PLPPR5: variants seen among roughly 807,000 people sequenced by gnomAD.
PLPPR5 encodes phospholipid phosphatase related 5, also known as phospholipid phosphatase-related protein type 5.
A neutral mutation model predicts 33.9 loss-of-function variants in PLPPR5; 16 were observed. The observed-to-expected ratio is 0.47, with a 90% CI of 0.32 to 0.72. The LOEUF (loss-of-function observed/expected upper bound fraction) is 0.72, where lower values mean the gene tolerates loss of function less well. PLPPR5 is among the 30% of genes least tolerant of loss of function. The pLI, the probability that PLPPR5 is intolerant of heterozygous loss-of-function variation, is 0.03. For synonymous variants in PLPPR5, 163 were observed against 150.3 expected (o/e 1.08, Z -0.62); for missense variants, 301 against 406.7 (o/e 0.74, Z 2.23).
intron 3 of PLPPR5, among the ~76,000 whole-genome samples, chr1:98,926,874 A>C (rs1350690990): frequency 6.6e-6 from 1 of 152,210 alleles, no homozygotes; most frequent in Non-Finnish European, 1.5e-5. Context: ...TCGTTTGTTA[A>C]GCCAACCGTG....
chr1:99,002,414 G>A (rs1027322605), intron 1 of PLPPR5, among the ~76,000 whole-genome samples: 1 of 152,070 alleles, frequency 6.6e-6, no homozygotes, highest in African/African-American at 2.4e-5. Context: ...AATGTAAGTC[G>A]CATGGCATTC....
chr1:98,920,757 A>G (rs745397355), intron 4 of PLPPR5, among the ~76,000 whole-genome samples: 8 of 152,184 alleles, frequency 5.3e-5, no homozygotes, highest in Non-Finnish European at 7.3e-5. Context: ...ATTATTAACT[A>G]GTAAAATGAG....
intron 1 of PLPPR5, among the ~76,000 whole-genome samples, chr1:98,996,591 T>C (rs1477895353): frequency 6.6e-6 from 1 of 152,118 alleles, no homozygotes; most frequent in African/African-American, 2.4e-5. Context: ...TGATACTCCT[T>C]AGGATTTTCC....
chr1:98,975,455 T>C (rs555889295), intron 1 of PLPPR5, among the ~76,000 whole-genome samples: 2 of 152,226 alleles, frequency 1.3e-5, no homozygotes, highest in African/African-American at 2.4e-5. Flanking sequence ...GATCCATGCA[T>C]ACAGATGAAG....
At chr1:98,916,212 C>T (rs1264121165) in intron 4 of PLPPR5, among the ~76,000 whole-genome samples, 4 of 152,118 alleles carry the variant, frequency 2.6e-5, no homozygotes, top group Non-Finnish European at 5.9e-5. Context: ...TGAGATTTTA[C>T]GTCAGAAAAA....
At chr1:98,951,094 G>A (rs572679846) in intron 3 of PLPPR5, among the ~76,000 whole-genome samples, 1 of 152,110 alleles carries the variant, frequency 6.6e-6, no homozygotes, top group Admixed American at 6.5e-5. Flanking sequence ...CATTGGCTAG[G>A]TCACGTATTT....
At chr1:98,903,711 C>A (rs867949990) in intron 5 of PLPPR5, among the ~76,000 whole-genome samples, 1 of 151,856 alleles carries the variant, frequency 6.6e-6, no homozygotes, top group Admixed American at 6.6e-5. Context: ...TACTATGTGC[C>A]GAGAAGTTTA....
At chr1:98,976,092 TAAAA>T (rs34637022) in intron 1 of PLPPR5, among the ~76,000 whole-genome samples, 1 of 74,702 alleles carries the variant, frequency 1.3e-5, no homozygotes, top group Non-Finnish European at 2.7e-5. Context: ...TACTAAAAAG[TAAAA>T]AAAAAAAAAA....
At chr1:98,901,146 A>G (rs1361437150) in intron 5 of PLPPR5, among the ~76,000 whole-genome samples, 1 of 152,152 alleles carries the variant, frequency 6.6e-6, no homozygotes, top group Non-Finnish European at 1.5e-5. Context: ...CTACTCAGCA[A>G]TTAAATGGGA....
chr1:98,997,514 A>G (rs540282449), intron 1 of PLPPR5, among the ~76,000 whole-genome samples: 1 of 152,332 alleles, frequency 6.6e-6, no homozygotes, highest in Admixed American at 6.5e-5. Context: ...AATGAACGAG[A>G]TGATTCTTTC....
At chr1:98,925,886 T>G (rs1471346174) in intron 3 of PLPPR5, among the ~76,000 whole-genome samples, 1 of 152,168 alleles carries the variant, frequency 6.6e-6, no homozygotes, top group Non-Finnish European at 1.5e-5. Flanking sequence ...AGCACCTTGT[T>G]CCTCATCTGA....
chr1:99,003,053 T>TTACATA (rs1557700098), intron 1 of PLPPR5, among the ~76,000 whole-genome samples: 2 of 72,470 alleles, frequency 2.8e-5, no homozygotes, highest in Non-Finnish European at 5.3e-5. Context: ...GCAACTTATT[T>TTACATA]TACATATATA....
At chr1:98,927,930 T>C (rs1244313410) in intron 3 of PLPPR5, among the ~76,000 whole-genome samples, 4 of 151,778 alleles carry the variant, frequency 2.6e-5, no homozygotes, top group Non-Finnish European at 5.9e-5. Context: ...TATATATAAT[T>C]ATAATTATAT....
intron 1 of PLPPR5, among the ~76,000 whole-genome samples, chr1:99,001,671 G>GAGATATATATATATATAT (rs1553173331): frequency 2.0e-5 from 2 of 102,194 alleles, no homozygotes; most frequent in African/African-American, 7.8e-5. Flanking sequence ...GAAAGTTAAA[G>GAGATATATATATATATAT]ATATATATAT....
chr1:98,911,754 T>C (rs1392728805), intron 5 of PLPPR5, among the ~76,000 whole-genome samples: 9 of 143,456 alleles, frequency 6.3e-5, no homozygotes, highest in Admixed American at 7.0e-5. Flanking sequence ...TTCACAACCC[T>C]TTTTTTTTTT....
intron 1 of PLPPR5, among the ~76,000 whole-genome samples, chr1:99,003,822 C>T (rs1652958662): frequency 6.6e-6 from 1 of 152,228 alleles, no homozygotes. Context: ...ACAGCTCCTG[C>T]TTTTCAGCAA....
chr1:98,917,093 C>A (rs1649383469), intron 4 of PLPPR5, among the ~76,000 whole-genome samples: 1 of 152,114 alleles, frequency 6.6e-6, no homozygotes, highest in Non-Finnish European at 1.5e-5. Context: ...AGCACCCACT[C>A]CAAACTTGAT....
intron 1 of PLPPR5, among the ~76,000 whole-genome samples, chr1:98,979,464 T>C (rs1651980926): frequency 6.6e-6 from 1 of 152,132 alleles, no homozygotes; most frequent in Non-Finnish European, 1.5e-5. Context: ...GGCTATGTTG[T>C]TGCTATTATA....
chr1:98,905,137 C>T (rs1260917852), intron 5 of PLPPR5, among the ~76,000 whole-genome samples: 1 of 152,142 alleles, frequency 6.6e-6, no homozygotes, highest in African/African-American at 2.4e-5. Context: ...AATTAAACTA[C>T]TCACTTTCTT....
Sources: allele counts gnomAD v4.1 joint callset (sites outside exome capture counted in the v4.1 genomes callset), GRCh38; gene constraint gnomAD v4.1.1; transcripts MANE v1.5; gene names NCBI Gene and HGNC (gene_info 2026-07-23, HGNC 2026-07-21).